The following FAT3 variants were observed in gnomAD, a reference collection of about 807,000 sequenced individuals.
FAT3 encodes the protein protocadherin Fat 3.
FAT3 carries 95 observed loss-of-function variants against 310.2 expected under a neutral mutation model. The ratio of observed to expected loss-of-function variants is 0.31; its 90% CI spans 0.26 to 0.36. FAT3 has a LOEUF of 0.36. Ranked by LOEUF, FAT3 falls within the 10% of genes least tolerant of loss-of-function variation. FAT3 has a pLI of 1.00. For missense variants in FAT3, 5,408 were observed against 5,715.6 expected (o/e 0.95, Z 1.74); for synonymous variants, 2,314 against 2,192.9 (o/e 1.06, Z -1.54).
intron 2 of FAT3, among the ~76,000 whole-genome samples, chr11:92,383,311 A>G (rs1949542779): frequency 6.6e-6 from 1 of 152,168 alleles, no homozygotes; most frequent in Admixed American, 6.5e-5. Flanking sequence ...ATGTGTGTGT[A>G]TCTTTATAAT....
rs772687972 is a variant in FAT3, at chr11:92,882,975, A to AGTCTTCCGCAAGAAG, written c.12534_12548dup (p.Lys4178_Lys4182dup). On this transcript the variant is annotated inframe_insertion, in exon 24 of 28. Transcript: ENST00000525166. ...TCTTCATCCTGGTGGTTCTCTTCAT[A>AGTCTTCCGCAAGAAG]GTCTTCCGCAAGAAGGTCTTCCGCA... is the stretch of plus-strand genomic sequence containing the variant. 5.6e-6 allele frequency: 9 copies of AGTCTTCCGCAAGAAG among 1,613,916 alleles called. No individual in the cohort carries two copies. The highest frequency in any genetic ancestry group is 1.6e-4 in the Middle Eastern group (1 of 6,062).
chr11:92,596,516 G>A lies in FAT3; in HGVS notation c.3607+71568G>A, dbSNP rs1939715158. 3.9e-5 allele frequency among the ~76,000 whole-genome samples: 6 copies of A among 152,148 alleles called. No individual in the cohort carries two copies. The South Asian group carries it at 1.2e-3, about 31-fold the overall frequency. ...CACCACCATTCTCCCTTTGATGACA[G>A]AGAGAACTATCTCTCTGTTGACCAT... On this transcript the variant is annotated intron_variant, in intron 3 of 27. Coordinates refer to ENST00000525166, the MANE Select transcript of FAT3 (RefSeq NM_001367949.2).
chr11:92,550,467 T>C (rs574546389), intron 3 of FAT3, among the ~76,000 whole-genome samples: 1 of 152,318 alleles, frequency 6.6e-6, no homozygotes, highest in African/African-American at 2.4e-5. Flanking sequence ...CCAGGGAAAT[T>C]TTCATAGTTG....
intron 2 of FAT3, among the ~76,000 whole-genome samples, chr11:92,504,062 A>G (rs554329864): frequency 4.7e-4 from 71 of 152,302 alleles, no homozygotes; most frequent in Non-Finnish European, 2.9e-5. Context: ...GAACATTTCC[A>G]TCACAGATTG....
intron 2 of FAT3, among the ~76,000 whole-genome samples, chr11:92,389,889 G>A (rs570629906): frequency 6.6e-6 from 1 of 152,218 alleles, no homozygotes; most frequent in Admixed American, 6.5e-5. Context: ...CCCGTCTTAT[G>A]TATGGTCTCT....
At chr11:92,513,372 G>A (rs1953371854) in intron 2 of FAT3, among the ~76,000 whole-genome samples, 1 of 152,148 alleles carries the variant, frequency 6.6e-6, no homozygotes, top group East Asian at 1.9e-4. Flanking sequence ...CAGGTCCAAG[G>A]ATGAATAGAA....
At chr11:92,227,337 C>T (rs1863964238) in intron 1 of FAT3, among the ~76,000 whole-genome samples, 1 of 152,116 alleles carries the variant, frequency 6.6e-6, no homozygotes, top group Non-Finnish European at 1.5e-5. Flanking sequence ...GTGCTCCTGG[C>T]TTTGTTGCTA....
intron 4 of FAT3, among the ~76,000 whole-genome samples, chr11:92,743,801 G>A (rs1945575878): frequency 6.6e-6 from 1 of 152,290 alleles, no homozygotes; most frequent in Admixed American, 6.5e-5. Flanking sequence ...TAGATTAATG[G>A]GTTATCATAA....
intron 2 of FAT3, among the ~76,000 whole-genome samples, chr11:92,504,286 G>C (rs527510411): frequency 6.6e-6 from 1 of 152,248 alleles, no homozygotes; most frequent in Non-Finnish European, 1.5e-5. Flanking sequence ...ATTTGTTTTA[G>C]TAATTTTTCC....
At chr11:92,841,836 G>C (rs1024707195) in intron 18 of FAT3, among the ~76,000 whole-genome samples, 1 of 152,226 alleles carries the variant, frequency 6.6e-6, no homozygotes, top group Admixed American at 6.5e-5. Flanking sequence ...ACTGTATTCT[G>C]CACAGCCCCT....
intron 2 of FAT3, among the ~76,000 whole-genome samples, chr11:92,360,206 A>G (rs1375447837): frequency 6.6e-6 from 1 of 152,216 alleles, no homozygotes; most frequent in African/African-American, 2.4e-5. Context: ...ATTCTTATAC[A>G]CCAGCAACAG....
At chr11:92,536,040 T>G (rs969124086) in intron 3 of FAT3, among the ~76,000 whole-genome samples, 3 of 152,226 alleles carry the variant, frequency 2.0e-5, no homozygotes, top group Non-Finnish European at 4.4e-5. Flanking sequence ...TGTGAGAACT[T>G]AAAGTCCAGT....
chr11:92,560,449 G>GTT (rs1307856139), intron 3 of FAT3, among the ~76,000 whole-genome samples: 12 of 149,952 alleles, frequency 8.0e-5, no homozygotes, highest in African/African-American at 2.9e-4. Context: ...TAAAGTCTAG[G>GTT]TTTTTTTTTT....
intron 1 of FAT3, among the ~76,000 whole-genome samples, chr11:92,250,506 C>A (rs749372191): frequency 3.9e-5 from 6 of 151,976 alleles, no homozygotes; most frequent in Admixed American, 1.3e-4. Flanking sequence ...CCAGTATTAG[C>A]AACAAAAAAT....
intron 3 of FAT3, among the ~76,000 whole-genome samples, chr11:92,695,376 G>A (rs960318917): frequency 6.6e-6 from 1 of 152,034 alleles, no homozygotes. Context: ...GCTAAGGAAG[G>A]AAAGTTACTC....
Position 92,798,981 on chromosome 11 carries a change from T to C in FAT3, c.5968T>C (p.Ser1990Pro). The C allele has an allele frequency of 1.2e-6, 2 of 1,613,920 alleles. No individual in the cohort carries two copies. Among genetic ancestry groups the C allele is most frequent in the South Asian group, 2.2e-5 (2 of 91,068 alleles). The change falls in exon 10 of 28, where the codon TCA (serine) becomes CCA (proline). Residue 1990 changes from serine to proline, a missense_variant. By Grantham distance (74) the Ser-to-Pro change is moderately conservative. Around this residue, in one of 5 missense-constraint regions of FAT3, gnomAD observed 4,588 missense variants for 4,809.8 expected, o/e 0.95. Transcript: ENST00000525166. ...CTTTACACAAAGCTTCTATTCCACC[T>C]CAATCTCAGAGAACAACACTAACAT... is the stretch of plus-strand genomic sequence containing the variant. The part of the protein sequence containing the change: ...LHFTQSFYST[S>P]ISENNTNITK...
At chr11:92,421,350 G>T (rs506163) in intron 2 of FAT3, among the ~76,000 whole-genome samples, 124,780 of 152,142 alleles carry the variant, frequency 0.82, 51,986 homozygotes, top group Non-Finnish European at 0.89. Context: ...CAGTTTTTAT[G>T]GTCTGCAAAA....
At chr11:92,335,760 C>T (rs1178266094) in intron 1 of FAT3, among the ~76,000 whole-genome samples, 1 of 151,662 alleles carries the variant, frequency 6.6e-6, no homozygotes, top group African/African-American at 2.4e-5. Flanking sequence ...CTGTGTGTCA[C>T]ATCAATTATG....
chr11:92,269,120 T>C (rs1946049738), intron 1 of FAT3, among the ~76,000 whole-genome samples: 1 of 152,172 alleles, frequency 6.6e-6, no homozygotes, highest in Admixed American at 6.5e-5. Flanking sequence ...TTCAATAGTT[T>C]GAACTGGTAG....
Sources: gnomAD v4.1 joint callset for allele counts (sites outside exome capture counted in the v4.1 genomes callset) on GRCh38, gnomAD v4.1.1 for gene constraint, gnomAD v4.1.1 regional missense constraint, MANE v1.5 for transcripts, NCBI Gene and HGNC (gene_info 2026-07-23, HGNC 2026-07-21) for gene names.